The following SORCS2 variants were observed in gnomAD, a reference collection of about 807,000 sequenced individuals.
The protein encoded by SORCS2 is VPS10 domain-containing receptor SorCS2.
Under a neutral mutation model 141.6 loss-of-function variants are expected in SORCS2, and 100 were observed. The ratio of observed to expected loss-of-function variants is 0.71; its 90% CI spans 0.60 to 0.83. The LOEUF (loss-of-function observed/expected upper bound fraction) is 0.83, where lower values mean the gene tolerates loss of function less well. Ranked by LOEUF, SORCS2 falls within the 40% of genes least tolerant of loss-of-function variation. The probability of loss-of-function intolerance (pLI) is 0.00; values close to 1 mark genes in which losing one functional copy is unlikely to be tolerated. For synonymous variants in SORCS2, 789 were observed against 676.9 expected (o/e 1.17, Z -2.57); for missense variants, 1,646 against 1,560.2 (o/e 1.05, Z -0.93).
At chr4:7,320,141 A>C (rs114888024) in intron 1 of SORCS2, among the ~76,000 whole-genome samples, 53,682 of 151,870 alleles carry the variant, frequency 0.35, 9,838 homozygotes, top group African/African-American at 0.44. Context: ...TGTCTCTACA[A>C]AAAAAATGAA....
intron 2 of SORCS2, among the ~76,000 whole-genome samples, chr4:7,502,596 T>A (rs369209284): frequency 3.3e-5 from 5 of 152,198 alleles, no homozygotes; most frequent in East Asian, 1.9e-4. Context: ...GCTCCCTTGA[T>A]CACCTTGTCC....
intron 1 of SORCS2, among the ~76,000 whole-genome samples, chr4:7,255,062 C>T (rs553715771): frequency 9.9e-5 from 15 of 151,774 alleles, no homozygotes; most frequent in Non-Finnish European, 1.5e-4. Flanking sequence ...TGTGAGCGTG[C>T]GTGAGAGAGT....
intron 2 of SORCS2, among the ~76,000 whole-genome samples, chr4:7,400,012 G>A (rs1408876993): frequency 6.6e-6 from 1 of 152,146 alleles, no homozygotes; most frequent in Admixed American, 6.5e-5. Flanking sequence ...ACAAGCTCCC[G>A]AGTGCTGCCC....
intron 1 of SORCS2, among the ~76,000 whole-genome samples, chr4:7,272,147 G>T (rs1003983380): frequency 1.4e-4 from 22 of 152,272 alleles, no homozygotes; most frequent in African/African-American, 5.1e-4. Context: ...TACCTCTAGT[G>T]CAAATTTATC....
intron 1 of SORCS2, among the ~76,000 whole-genome samples, chr4:7,392,050 A>C (rs929913371): frequency 1.3e-5 from 2 of 152,242 alleles, no homozygotes; most frequent in Non-Finnish European, 2.9e-5. Context: ...AGACATTCTC[A>C]AGAATTTCAA....
chr4:7,731,826 A>C (rs1711711770), intron 23 of SORCS2, among the ~76,000 whole-genome samples: 1 of 152,244 alleles, frequency 6.6e-6, no homozygotes, highest in East Asian at 1.9e-4. Flanking sequence ...TTAAAGACAA[A>C]CGTAAGACCT....
chr4:7,304,649 C>G (rs1451412675), intron 1 of SORCS2, among the ~76,000 whole-genome samples: 1 of 152,198 alleles, frequency 6.6e-6, no homozygotes, highest in African/African-American at 2.4e-5. Context: ...GCACCTTGAG[C>G]TGAGTGGAGG....
chr4:7,560,725 C>G (rs964542193), intron 3 of SORCS2, among the ~76,000 whole-genome samples: 2 of 152,186 alleles, frequency 1.3e-5, no homozygotes, highest in Admixed American at 6.5e-5. Context: ...CTTACCCATC[C>G]TCAAGCCTGC....
At chr4:7,212,479 A>G (rs1413801089) in intron 1 of SORCS2, among the ~76,000 whole-genome samples, 1 of 152,254 alleles carries the variant, frequency 6.6e-6, no homozygotes, top group Non-Finnish European at 1.5e-5. Flanking sequence ...GGCTGGCTTC[A>G]GGCATGACTG....
At chr4:7,607,573 A>G (rs776486065) in intron 3 of SORCS2, among the ~76,000 whole-genome samples, 2 of 152,206 alleles carry the variant, frequency 1.3e-5, no homozygotes, top group Middle Eastern at 3.4e-3. Flanking sequence ...ATTAATAACA[A>G]TTTTGTCCAC....
intron 1 of SORCS2, among the ~76,000 whole-genome samples, chr4:7,279,390 A>T (rs1240328745): frequency 6.6e-6 from 1 of 152,248 alleles, no homozygotes; most frequent in Non-Finnish European, 1.5e-5. Context: ...GAAGCAGTCA[A>T]AGTAAACCAG....
chr4:7,520,528 G>T (rs934248474), intron 2 of SORCS2, among the ~76,000 whole-genome samples: 7 of 152,216 alleles, frequency 4.6e-5, no homozygotes, highest in African/African-American at 1.4e-4. Flanking sequence ...GCTAGTGAGT[G>T]TCACAGCCCC....
chr4:7,626,256 G>A (rs182005187), intron 3 of SORCS2, among the ~76,000 whole-genome samples: 58 of 152,336 alleles, frequency 3.8e-4, no homozygotes, highest in African/African-American at 1.2e-3. Context: ...CTTGCTAACA[G>A]ACTTTCTTAA....
At position 7,442,927 on chromosome 4, in the gene SORCS2, G is replaced by A. The variant is rs1424932095; in HGVS notation, c.548+46572G>A. On this transcript the variant is annotated intron_variant, in intron 2 of 26. Transcript: ENST00000507866. ...GTGCTCCCTCCGAAGGCTGCGGGGA[G>A]GCTCCTTCCTGCTTCCTCCCAGGTT... 2.0e-5 allele frequency among the ~76,000 whole-genome samples: 3 copies of A among 152,136 alleles called. No individual in the cohort carries two copies. In the East Asian group the frequency reaches 5.9e-4, roughly 30 times the overall value.
At chr4:7,219,209 A>G (rs182627273) in intron 1 of SORCS2, among the ~76,000 whole-genome samples, 242 of 141,294 alleles carry the variant, frequency 1.7e-3, no homozygotes, top group Non-Finnish European at 2.6e-3. Context: ...TATGAGAAAT[A>G]ACAGCTTTCT....
At chr4:7,580,336 C>T (rs1344947284) in intron 3 of SORCS2, among the ~76,000 whole-genome samples, 5 of 151,970 alleles carry the variant, frequency 3.3e-5, no homozygotes, top group East Asian at 3.9e-4. Flanking sequence ...ATGCAGAAAA[C>T]AAAAATAGCT....
chr4:7,386,184 CAT>C (rs1460733535), intron 1 of SORCS2, among the ~76,000 whole-genome samples: 1 of 141,958 alleles, frequency 7.0e-6, no homozygotes, highest in East Asian at 2.1e-4. Context: ...CACGCACACA[CAT>C]GCACACACAT....
At position 7,287,560 on chromosome 4, in the gene SORCS2, C is replaced by T. The variant is rs1456433207; in HGVS notation, c.480+94434C>T. On this transcript the variant is annotated intron_variant, in intron 1 of 26. Coordinates refer to ENST00000507866, the MANE Select transcript of SORCS2 (RefSeq NM_020777.3). ...CACTTGCATTTGGCAGGAGGGAGCA[C>T]GTTCGGACTTGGGGAAGGGGCTTTG... Among the ~76,000 whole-genome samples the T allele has an allele frequency of 3.9e-5, 6 of 152,254 alleles. No individual in the cohort carries two copies. The East Asian group carries it at 5.8e-4, about 15-fold the overall frequency.
chr4:7,740,177 C>T (rs760367747), intron 26 of SORCS2, 23 bp from the exon 27 acceptor site: 2 of 1,599,224 alleles, frequency 1.3e-6, no homozygotes, highest in South Asian at 1.1e-5. Context: ...GCTCACGGGA[C>T]CTGCGTCTCT....
Sources: allele counts gnomAD v4.1 joint callset (sites outside exome capture counted in the v4.1 genomes callset), GRCh38; gene constraint gnomAD v4.1.1; transcripts MANE v1.5; gene names NCBI Gene and HGNC (gene_info 2026-07-23, HGNC 2026-07-21).